IFT81: variants seen among roughly 807,000 people sequenced by gnomAD.
IFT81 encodes intraflagellar transport protein 81 homolog.
Under a neutral mutation model 102.6 loss-of-function variants are expected in IFT81, and 72 were observed. The observed-to-expected ratio is 0.70, with a 90% CI of 0.58 to 0.85. The LOEUF is 0.85. Among genes scored for constraint, IFT81 ranks in the 40% least tolerant of loss-of-function variants. IFT81 has a pLI of 0.00. For missense variants in IFT81, 723 were observed against 787.3 expected (o/e 0.92, Z 0.98); for synonymous variants, 237 against 242.7 (o/e 0.98, Z 0.22).
At position 110,169,023 on chromosome 12, in the gene IFT81, C is replaced by CCCTCCCTTCCTT. The variant is rs1555264538; in HGVS notation, c.1188+5961_1188+5962insCCCTTCCTTCCT. The CCCTCCCTTCCTT allele has an allele frequency of 1.1e-4, 13 of 115,418 alleles. No homozygotes were observed. In the South Asian group the frequency reaches 2.4e-3, roughly 21 times the overall value. 7.1% of individuals were successfully genotyped at this position (115,418 alleles called of 1,614,324 possible). A position where few individuals can be genotyped will look rare whatever the true frequency, so the allele number is the denominator to read the frequency against. ...TTTGTCTTTCTTTCTTTTCCTTCCT[C>CCCTCCCTTCCTT]CCTTCCTTCCTTCCTTCCTTCCTTC... On this transcript the variant is annotated intron_variant, in intron 11 of 18. Coordinates refer to ENST00000242591, the MANE Select transcript of IFT81 (RefSeq NM_014055.4).
chr12:110,140,015 A>G (rs1197179976), intron 8 of IFT81, among the ~76,000 whole-genome samples: 2 of 151,376 alleles, frequency 1.3e-5, no homozygotes, highest in South Asian at 4.2e-4. Context: ...AAAGTGAGCT[A>G]TGATTGTGCC....
chr12:110,128,020 C>T (rs1893946614), intron 2 of IFT81, 26 bp from the exon 3 acceptor site: 3 of 1,468,128 alleles, frequency 2.0e-6, no homozygotes, highest in African/African-American at 1.4e-5. Context: ...ACAACAATAA[C>T]ATGTTTTTTT....
intron 8 of IFT81, among the ~76,000 whole-genome samples, chr12:110,138,102 A>G (rs1473306177): frequency 2.0e-5 from 3 of 152,184 alleles, no homozygotes; most frequent in African/African-American, 7.2e-5. Flanking sequence ...AACTATCCCA[A>G]TGTAAATAGC....
At chr12:110,179,773 T>TATATACATACACACACACACAC (rs774113734) in intron 11 of IFT81, among the ~76,000 whole-genome samples, 1 of 50,492 alleles carries the variant, frequency 2.0e-5, no homozygotes, top group African/African-American at 5.5e-5. Flanking sequence ...TATATATATA[T>TATATACATACACACACACACAC]ACACACACAC....
In IFT81 at chr12:110,142,184, CAG is replaced by C. The variant is rs539505193; in HGVS notation, c.782-1195_782-1194del. ...TCTTTTTTCTTTTGTTTTTTTGAGACAGAGTCTCCCTCTATCCCCCAGGCTGG... is the reference window on the plus strand; with the variant it reads ...TCTTTTTTCTTTTGTTTTTTTGAGACAGTCTCCCTCTATCCCCCAGGCTGG... On this transcript the variant is annotated intron_variant, in intron 8 of 18. Coordinates refer to ENST00000242591, the MANE Select transcript of IFT81 (RefSeq NM_014055.4). Among the ~76,000 whole-genome samples the C allele has an allele frequency of 1.7e-3, 260 of 152,046 alleles. 1 individual carries two copies. The highest frequency in any genetic ancestry group is 0.01 in the Middle Eastern group (3 of 294).
At chr12:110,154,628 C>CAAAAAAAAAAAAA (rs201856295) in intron 10 of IFT81, among the ~76,000 whole-genome samples, 1 of 53,640 alleles carries the variant, frequency 1.9e-5, no homozygotes, top group Non-Finnish European at 4.0e-5. Flanking sequence ...CTCTGTCTCA[C>CAAAAAAAAAAAAA]AAAAAAAAAA....
At chr12:110,216,701 T>C (rs1241166523) in intron 18 of IFT81, 1 of 424,590 alleles carries the variant, frequency 2.4e-6, no homozygotes, top group Non-Finnish European at 4.6e-6. Context: ...TATTTTTGTA[T>C]TTTTAGTACA....
Position 110,127,425 on chromosome 12 carries a change from G to C in IFT81, c.45G>C (p.Glu15Asp). The part of the protein sequence containing the change: ...IKFIMDSLNK[E>D]PFRKNYNLIT... ...TCATTATGGACAGTCTCAATAAGGA[G>C]CCCTTTAGGAAGAACTATAATTTAA... Residue 15 changes from glutamate to aspartate, a missense_variant, in exon 2 of 19, where the codon GAG becomes GAC. Transcript: ENST00000242591. 6.2e-7 allele frequency: 1 copy of C among 1,605,886 alleles called. No homozygotes were observed. The highest frequency in any genetic ancestry group is 8.5e-7 in the Non-Finnish European group (1 of 1,176,456).
At chr12:110,156,331 T>C (rs925520391) in intron 10 of IFT81, among the ~76,000 whole-genome samples, 2 of 152,052 alleles carry the variant, frequency 1.3e-5, no homozygotes, top group African/African-American at 2.4e-5. Context: ...TTGGGATCTT[T>C]CTTTCTTATA....
At chr12:110,206,860 G>T (rs1018274590) in intron 17 of IFT81, among the ~76,000 whole-genome samples, 20 of 151,892 alleles carry the variant, frequency 1.3e-4, no homozygotes, top group African/African-American at 4.6e-4. Flanking sequence ...TGTAAACTTT[G>T]TTCATATAAA....
At chr12:110,215,193 A>G (rs542752630) in intron 18 of IFT81, among the ~76,000 whole-genome samples, 31 of 152,122 alleles carry the variant, frequency 2.0e-4, no homozygotes, top group Non-Finnish European at 3.5e-4. Context: ...TCTCAGATCA[A>G]CTAGTATATT....
chr12:110,180,699 C>T (rs953407865), intron 12 of IFT81, 128 bp downstream of exon 12: 7 of 585,682 alleles, frequency 1.2e-5, no homozygotes, highest in African/African-American at 1.8e-5. Context: ...TGATTAATTA[C>T]AGACATGACA....
chr12:110,127,052 C>T (rs1893887323), intron 1 of IFT81, among the ~76,000 whole-genome samples: 1 of 151,948 alleles, frequency 6.6e-6, no homozygotes, highest in Non-Finnish European at 1.5e-5. Flanking sequence ...AATTATGCAC[C>T]GGTATGGGAG....
intron 11 of IFT81, among the ~76,000 whole-genome samples, chr12:110,174,473 A>G (rs2137491793): frequency 6.6e-6 from 1 of 151,760 alleles, no homozygotes; most frequent in South Asian, 2.1e-4. Context: ...AAAAAAAAAA[A>G]AAAATGGCTT....
chr12:110,149,269 C>T (rs1460146290), intron 10 of IFT81, among the ~76,000 whole-genome samples: 7 of 152,174 alleles, frequency 4.6e-5, no homozygotes, highest in Admixed American at 4.6e-4. Flanking sequence ...TTGTCCCCAT[C>T]GCAGGGCATG....
intron 10 of IFT81, among the ~76,000 whole-genome samples, chr12:110,152,588 T>G (rs1420568103): frequency 2.0e-5 from 3 of 152,166 alleles, no homozygotes; most frequent in Non-Finnish European, 4.4e-5. Context: ...TGTTGGGTTT[T>G]AGGAGTTCTC....
intron 10 of IFT81, among the ~76,000 whole-genome samples, chr12:110,161,526 C>T (rs949165448): frequency 6.6e-6 from 1 of 151,962 alleles, no homozygotes; most frequent in Non-Finnish European, 1.5e-5. Flanking sequence ...TCACTGCAGC[C>T]TCAACCTCTT....
At chr12:110,160,123 G>C (rs1486003923) in intron 10 of IFT81, among the ~76,000 whole-genome samples, 1 of 152,114 alleles carries the variant, frequency 6.6e-6, no homozygotes, top group Non-Finnish European at 1.5e-5. Context: ...TATTGTATTA[G>C]TCAGGGTTAT....
chr12:110,171,263 G>A (rs1473028882), intron 11 of IFT81, among the ~76,000 whole-genome samples: 2 of 151,078 alleles, frequency 1.3e-5, no homozygotes, highest in East Asian at 2.0e-4. Context: ...AGTTTTCATG[G>A]ATTTTTTTTT....
Sources: allele counts gnomAD v4.1 joint callset (sites outside exome capture counted in the v4.1 genomes callset), GRCh38; gene constraint gnomAD v4.1.1; transcripts MANE v1.5; gene names NCBI Gene and HGNC (gene_info 2026-07-23, HGNC 2026-07-21).